Variants in PLEKHA6 observed in about 807,000 individuals in gnomAD.
PLEKHA6 encodes pleckstrin homology domain containing A6.
Under a neutral mutation model 116.7 loss-of-function variants are expected in PLEKHA6, and 60 were observed. The observed-to-expected ratio is 0.51, with a 90% CI of 0.42 to 0.64. The LOEUF (loss-of-function observed/expected upper bound fraction) is 0.64, where lower values mean the gene tolerates loss of function less well. Among genes scored for constraint, PLEKHA6 ranks in the 30% least tolerant of loss-of-function variants. The probability of loss-of-function intolerance (pLI) is 0.00; values close to 1 mark genes in which losing one functional copy is unlikely to be tolerated. For missense variants in PLEKHA6, 1,338 were observed against 1,422.7 expected, an observed-to-expected ratio of 0.94 and a Z score of 0.96; for synonymous variants, 489 against 556.1, an observed-to-expected ratio of 0.88 and a Z score of 1.70.
intron 4 of PLEKHA6, 72 bp downstream of exon 4, chr1:204,268,136 A>G: frequency 1.1e-6 from 1 of 937,590 alleles, no homozygotes; most frequent in South Asian, 1.6e-5. Context: ...GCCTGTCATA[A>G]GCACAGAGGA....
intron 1 of PLEKHA6, among the ~76,000 whole-genome samples, chr1:204,293,699 G>A (rs896232975): frequency 3.3e-5 from 5 of 152,054 alleles, no homozygotes; most frequent in African/African-American, 7.2e-5. Flanking sequence ...CTTGACTACC[G>A]AGTTTTTTGG....
At chr1:204,313,845 C>A (rs1671755132) in intron 1 of PLEKHA6, 1 of 248,314 alleles carries the variant, frequency 4.0e-6, no homozygotes, top group South Asian at 1.5e-4. Flanking sequence ...CCCGGGGATC[C>A]TCTTACAGGC....
At chr1:204,354,776 C>T (rs761812512) in intron 1 of PLEKHA6, among the ~76,000 whole-genome samples, 3 of 152,288 alleles carry the variant, frequency 2.0e-5, no homozygotes, top group African/African-American at 7.2e-5. Context: ...GATAAGCTTG[C>T]GCTACTTTAG....
intron 5 of PLEKHA6, among the ~76,000 whole-genome samples, chr1:204,265,957 A>G (rs746230972): frequency 6.6e-6 from 1 of 152,156 alleles, no homozygotes; most frequent in Non-Finnish European, 1.5e-5. Context: ...TCTGTGGGAC[A>G]GTGGGGGGGA....
intron 1 of PLEKHA6, chr1:204,309,731 A>T (rs1216553859): frequency 3.3e-6 from 3 of 919,608 alleles, no homozygotes; most frequent in Non-Finnish European, 3.9e-6. Context: ...TCAATTTAGT[A>T]TGATGCTTCT....
chr1:204,269,666 T>TA (rs1344158427), intron 3 of PLEKHA6, among the ~76,000 whole-genome samples: 3 of 152,058 alleles, frequency 2.0e-5, no homozygotes, highest in Non-Finnish European at 4.4e-5. Flanking sequence ...CACACCCTTT[T>TA]ACCTAGAAAA....
At chr1:204,318,253 A>G (rs1671932454) in intron 1 of PLEKHA6, among the ~76,000 whole-genome samples, 1 of 152,042 alleles carries the variant, frequency 6.6e-6, no homozygotes, top group South Asian at 2.1e-4. Context: ...GGCTGGACAG[A>G]GCGTGTAGAG....
chr1:204,346,899 T>A (rs1359688061), intron 1 of PLEKHA6: 2 of 1,294,792 alleles, frequency 1.5e-6, no homozygotes, highest in Non-Finnish European at 2.2e-6. Flanking sequence ...TAACTTTCTC[T>A]TTGGCTTCTT....
At chr1:204,313,108 C>G (rs1671725883) in intron 1 of PLEKHA6, among the ~76,000 whole-genome samples, 2 of 142,668 alleles carry the variant, frequency 1.4e-5, no homozygotes, top group African/African-American at 5.1e-5. Flanking sequence ...TCCCTCCTTC[C>G]TTCCTTCCTT....
chr1:204,262,779 C>T (rs2102799027), intron 6 of PLEKHA6, among the ~76,000 whole-genome samples: 2 of 152,312 alleles, frequency 1.3e-5, no homozygotes, highest in South Asian at 4.1e-4. Flanking sequence ...CTGGTCCCCA[C>T]CCTCCAGCAG....
At chr1:204,295,022 C>A (rs1670135732) in intron 1 of PLEKHA6, among the ~76,000 whole-genome samples, 1 of 152,164 alleles carries the variant, frequency 6.6e-6, no homozygotes. Context: ...CAAGATAGTA[C>A]CCTCTCCCCT....
At chr1:204,319,036 T>C (rs1270381675) in intron 1 of PLEKHA6, among the ~76,000 whole-genome samples, 1 of 152,174 alleles carries the variant, frequency 6.6e-6, no homozygotes, top group Non-Finnish European at 1.5e-5. Context: ...TTCCTTCCCA[T>C]CTTGATAACT....
At chr1:204,367,693 AGCAGT>A (rs1005085607) in intron 3 of PLEKHA6, 1 of 152,394 alleles carries the variant, frequency 6.6e-6, no homozygotes, top group African/African-American at 2.4e-5. Context: ...TCACAGACCC[AGCAGT>A]GCCTTCAGTG....
intron 9 of PLEKHA6, among the ~76,000 whole-genome samples, chr1:204,254,752 T>C (rs1487576589): frequency 6.6e-6 from 1 of 152,198 alleles, no homozygotes; most frequent in Non-Finnish European, 1.5e-5. Context: ...ATCCAATTAT[T>C]GTAGCTGTTG....
chr1:204,276,731 T>C (rs1031146518), intron 1 of PLEKHA6, among the ~76,000 whole-genome samples: 3 of 151,712 alleles, frequency 2.0e-5, no homozygotes, highest in African/African-American at 4.8e-5. Flanking sequence ...TTCTAGGGAA[T>C]GGCACATCTC....
intron 1 of PLEKHA6, chr1:204,309,651 G>A: frequency 1.4e-6 from 1 of 724,286 alleles, no homozygotes; most frequent in Non-Finnish European, 1.7e-6. Flanking sequence ...TCAGAATGTA[G>A]CCCCAAAATT....
At chr1:204,346,759 T>TTC in intron 1 of PLEKHA6, 1 of 931,200 alleles carries the variant, frequency 1.1e-6, no homozygotes, top group Non-Finnish European at 1.8e-6. Context: ...ATTTGCTTTT[T>TTC]TTTTTTTTAA....
At chr1:204,278,397 TC>T (rs1234901877) in intron 1 of PLEKHA6, among the ~76,000 whole-genome samples, 1 of 152,252 alleles carries the variant, frequency 6.6e-6, no homozygotes, top group African/African-American at 2.4e-5. Context: ...CATGACAGAT[TC>T]CTTTTTTGAC....
chr1:204,362,239 T>G (rs967619071), upstream of PLEKHA6, among the ~76,000 whole-genome samples: 5 of 152,182 alleles, frequency 3.3e-5, no homozygotes, highest in African/African-American at 1.2e-4. Flanking sequence ...ATCTAAGTTC[T>G]TGCTCTGCGA....
Sources: gnomAD v4.1 joint callset for allele counts (sites outside exome capture counted in the v4.1 genomes callset) on GRCh38, gnomAD v4.1.1 for gene constraint, MANE v1.5 for transcripts, NCBI Gene and HGNC (gene_info 2026-07-23, HGNC 2026-07-21) for gene names.